Variants in RNF123 observed in about 807,000 individuals in gnomAD.
RNF123 encodes E3 ubiquitin-protein ligase RNF123.
RNF123 carries 86 observed loss-of-function variants against 168.5 expected under a neutral mutation model. That is an observed-to-expected ratio of 0.51 (90% CI 0.43 to 0.61). The LOEUF is 0.61. Ranked by LOEUF, RNF123 falls within the 20% of genes least tolerant of loss-of-function variation. RNF123 has a pLI of 0.00. For synonymous variants in RNF123, 666 were observed against 689.1 expected (o/e 0.97, Z 0.52); for missense variants, 1,419 against 1,729.7 (o/e 0.82, Z 3.19).
Position 49,700,287 on chromosome 3 carries a change from G to T in RNF123, c.1045G>T (p.Gly349Cys), listed in dbSNP as rs536656209. The T allele has an allele frequency of 9.9e-6, 16 of 1,614,234 alleles. No individual in the cohort carries two copies. The Admixed American group carries it at 1.0e-4, about 10-fold the overall frequency. ...MSFLLGIVEKGTPTQAQSVVH... is the reference protein window; with the variant it reads ...MSFLLGIVEKCTPTQAQSVVH... Reference sequence around the variant, plus strand: ...CTTCTTGCTGGGCATCGTGGAGAAGGGCACACCCACACAGGCACAGTCCGT... The same window carrying T: ...CTTCTTGCTGGGCATCGTGGAGAAGTGCACACCCACACAGGCACAGTCCGT... The change falls in exon 13 of 39, where the codon GGC becomes TGC. Residue 349 changes from glycine (G) to cysteine (C), a missense_variant. Physicochemically the swap from Gly to Cys is radical, Grantham distance 159. Around this residue, in one of 5 missense-constraint regions of RNF123, gnomAD observed 349 missense variants for 344.9 expected, o/e 1.01. Transcript: ENST00000327697.
At chr3:49,700,833 C>G in intron 15 of RNF123, 124 bp downstream of exon 15, 2 of 1,008,160 alleles carry the variant, frequency 2.0e-6, no homozygotes, top group Non-Finnish European at 3.1e-6. Flanking sequence ...CAGAGCTGCC[C>G]AACGTGGCAT....
At chr3:49,693,683 A>G (rs1575518423) in intron 3 of RNF123, among the ~76,000 whole-genome samples, 2 of 152,182 alleles carry the variant, frequency 1.3e-5, no homozygotes, top group South Asian at 4.1e-4. Context: ...AGGAACCTCC[A>G]AACTGTTCTC....
At chr3:49,720,406 G>A (rs1186687810) in intron 35 of RNF123, 105 bp from the exon 36 acceptor site, 16 of 1,164,518 alleles carry the variant, frequency 1.4e-5, no homozygotes, top group Non-Finnish European at 1.2e-6. Context: ...GGATGCAGGG[G>A]GGGTGATCAT....
At chr3:49,713,712 TG>T in intron 28 of RNF123, 25 bp from the exon 29 acceptor site, 1 of 1,584,206 alleles carries the variant, frequency 6.3e-7, no homozygotes, top group Admixed American at 1.8e-5. Context: ...GCCAAGCCCC[TG>T]CTGAGGCACG....
At position 49,717,952 on chromosome 3, in the gene RNF123, T is replaced by C. The variant is rs776776059; in HGVS notation, c.3500+1475T>C. 3.7e-6 allele frequency: 6 copies of C among 1,611,268 alleles called. No homozygotes were observed. The African/African-American group carries it at 5.3e-5, about 14-fold the overall frequency. ...CTGGGTGGGGGAGCCCTGGGCAGTC[T>C]AGGTTGTCATGGGACCCTCGGAGCC... On this transcript the variant is annotated intron_variant, in intron 35 of 38. Transcript: ENST00000327697.
chr3:49,698,868 C>T (rs779516632), intron 9 of RNF123, 46 bp downstream of exon 9: 13 of 1,606,584 alleles, frequency 8.1e-6, no homozygotes, highest in Middle Eastern at 1.7e-4. Flanking sequence ...TGGGGCCTCC[C>T]CAGACTGCCC....
At chr3:49,720,309 C>T (rs2080369582) in intron 35 of RNF123, 2 of 424,854 alleles carry the variant, frequency 4.7e-6, no homozygotes, top group Admixed American at 4.1e-5. Flanking sequence ...GAGCGAGACT[C>T]GTCTCAAGAA....
Position 49,700,502 on chromosome 3 carries a change from T to C in RNF123, c.1141T>C (p.Leu381=). ...CGAGGTACAAGATTGCCTCAAGCAG[T>C]TGATGATGTCTCTGCTTCGGCTGTA... The part of the protein sequence containing the change: ...DYEVQDCLKQ[L]MMSLLRLYRF... Residue 381 remains leucine (L), a synonymous_variant, in exon 14 of 39, where the codon TTG becomes CTG. Transcript: ENST00000327697. The C allele has an allele frequency of 1.9e-6, 3 of 1,614,134 alleles. No homozygotes were observed. Among genetic ancestry groups the C allele is most frequent in the Non-Finnish European group, 2.5e-6 (3 of 1,180,006 alleles).
intron 21 of RNF123, 95 bp downstream of exon 21, chr3:49,703,623 C>T (rs892386497): frequency 1.0e-6 from 1 of 974,894 alleles, no homozygotes; most frequent in Non-Finnish European, 1.5e-6. Context: ...CATCCTATGG[C>T]CACCAGAGGG....
Position 49,691,486 on chromosome 3 carries a change from T to A in RNF123, c.144T>A (p.His48Gln), listed in dbSNP as rs764220003. 1.2e-6 allele frequency: 2 copies of A among 1,614,184 alleles called. No homozygotes were observed. Among genetic ancestry groups the A allele is most frequent in the Non-Finnish European group, 1.7e-6 (2 of 1,180,022 alleles). ...ACCGCATCTTTTCCTCTTCTGAACATGCACCCCCAGCAGCCACCAGCAGGT... is the reference window on the plus strand; with the variant it reads ...ACCGCATCTTTTCCTCTTCTGAACAAGCACCCCCAGCAGCCACCAGCAGGT... ...YLNRIFSSSE[H>Q]APPAATSRKP... The change falls in exon 3 of 39, where the codon CAT (histidine) becomes CAA (glutamine). Residue 48 changes from histidine to glutamine, a missense_variant. Physicochemically the swap from His to Gln is conservative, Grantham distance 24. This residue lies in a region of RNF123 where 318 missense variants were observed against 446.6 expected (regional missense o/e 0.71). Transcript: ENST00000327697.
At chr3:49,718,441 A>T (rs376736320) in intron 35 of RNF123, 1 of 1,612,814 alleles carries the variant, frequency 6.2e-7, no homozygotes, top group Non-Finnish European at 8.5e-7. Flanking sequence ...CTGCTCCTGT[A>T]CGTTGCCTAT....
In RNF123 at chr3:49,705,985, G is replaced by A. The variant is rs544869015; in HGVS notation, c.2308G>A (p.Val770Met). The A allele has an allele frequency of 8.1e-6, 13 of 1,609,672 alleles. No individual in the cohort carries two copies. Among genetic ancestry groups the A allele is most frequent in the Non-Finnish European group, 1.1e-5 (13 of 1,178,258 alleles). ...CATGTGGTCCCATGCTGTGTAGATG[G>A]TGGGTGTCTCCGATGATGTCAATGA... is the stretch of plus-strand genomic sequence containing the variant. ...LSVHQQLGKM[V>M]GVSDDVNEYA... Residue 770 changes from valine to methionine, a missense_variant, in exon 25 of 39, where the codon GTG becomes ATG. Physicochemically the swap from Val to Met is conservative, Grantham distance 21 (BLOSUM62 1). Transcript: ENST00000327697.
chr3:49,710,744 C>A (rs1213086000), intron 26 of RNF123, among the ~76,000 whole-genome samples: 1 of 152,146 alleles, frequency 6.6e-6, no homozygotes, highest in African/African-American at 2.4e-5. Context: ...CTTAGTTGCT[C>A]TGGCTGGGAT....
rs1400149277 is a variant in RNF123, at chr3:49,705,673, G to A, written c.2298G>A (p.Leu766=). The A allele has an allele frequency of 6.2e-7, 1 of 1,614,076 alleles. No homozygotes were observed. Among genetic ancestry groups the A allele is most frequent in the African/African-American group, 1.3e-5 (1 of 74,942 alleles). The change falls in exon 24 of 39, where the codon CTG becomes CTA. Residue 766 remains leucine (L), a synonymous_variant. Transcript: ENST00000327697. ...MMYNLSVHQQ[L]GKMVGVSDDV... ...ACAACCTCAGCGTACACCAGCAGCT[G>A]GGCAAGGTCGTGCACTCTTGGACCC...
chr3:49,699,355 G>A lies in RNF123; in HGVS notation c.765-113G>A. The A allele has an allele frequency of 9.7e-7, 1 of 1,033,850 alleles. No individual in the cohort carries two copies. Among genetic ancestry groups the A allele is most frequent in the Non-Finnish European group, 1.4e-6 (1 of 700,946 alleles). 64.0% of individuals were successfully genotyped at this position (1,033,850 alleles called of 1,614,324 possible). ...TAGGGAGAATAAGTGGGCAAGTTGTGATGCAAACCAGCCCTGCCCTAGAGC... is the reference window on the plus strand; with the variant it reads ...TAGGGAGAATAAGTGGGCAAGTTGTAATGCAAACCAGCCCTGCCCTAGAGC... On this transcript the variant is annotated intron_variant, in intron 10 of 38. Coordinates refer to ENST00000327697, the MANE Select transcript of RNF123 (RefSeq NM_022064.5). The surrounding 1 kb of genome is among the most constrained non-coding windows in gnomAD (Gnocchi z 4.8).
chr3:49,699,055 C>T lies in RNF123; in HGVS notation c.714C>T (p.Ser238=), dbSNP rs1340502164. The change falls in exon 10 of 39, where the codon AGC becomes AGT. Residue 238 remains serine, a synonymous_variant. Transcript: ENST00000327697. The surrounding 1 kb of genome is among the most constrained non-coding windows in gnomAD (Gnocchi z 4.8). ...GLGMAYFPAI[S]LSFKESVAFN... is the part of the protein sequence containing the mutation. ...GTATGGCCTACTTCCCAGCCATCAG[C>T]CTCTCTTTCAAGGAGTCCGTGGCCT... The T allele has an allele frequency of 6.2e-6, 10 of 1,613,962 alleles. No homozygotes were observed. The highest frequency in any genetic ancestry group is 8.5e-6 in the Non-Finnish European group (10 of 1,180,038).
chr3:49,700,493 C>G lies in RNF123; in HGVS notation c.1132C>G (p.Leu378Val). 5.6e-6 allele frequency: 9 copies of G among 1,614,160 alleles called. No individual in the cohort carries two copies. Among genetic ancestry groups the G allele is most frequent in the Non-Finnish European group, 7.6e-6 (9 of 1,180,020 alleles). The change falls in exon 14 of 39, where the codon CTC becomes GTC. Residue 378 changes from leucine to valine, a missense_variant. Physicochemically the swap from Leu to Val is conservative, Grantham distance 32 (BLOSUM62 1). Around this residue, in one of 5 missense-constraint regions of RNF123, gnomAD observed 349 missense variants for 344.9 expected, o/e 1.01. Coordinates refer to ENST00000327697, the MANE Select transcript of RNF123 (RefSeq NM_022064.5). ...FMEDYEVQDCLKQLMMSLLRL... is the reference protein window; with the variant it reads ...FMEDYEVQDCVKQLMMSLLRL... ...CCAGGACTACGAGGTACAAGATTGCCTCAAGCAGTTGATGATGTCTCTGCT... is the reference window on the plus strand; with the variant it reads ...CCAGGACTACGAGGTACAAGATTGCGTCAAGCAGTTGATGATGTCTCTGCT...
At chr3:49,717,594 A>C in intron 35 of RNF123, 1 of 332,122 alleles carries the variant, frequency 3.0e-6, no homozygotes. Context: ...CACAGGCTGT[A>C]GAAGAACACA....
chr3:49,715,942 C>T lies in RNF123; in HGVS notation c.3271C>T (p.Leu1091=). The change falls in exon 33 of 39, where the codon CTG becomes TTG. Residue 1091 remains leucine (L), a synonymous_variant. Transcript: ENST00000327697. ...LLRVLEMTIT[L]VPEIFLDWTR... ...GCGTGTCTTGGAGATGACTATCACACTGGTGCCTGAGATATTCCTTGACTG... is the reference window on the plus strand; with the variant it reads ...GCGTGTCTTGGAGATGACTATCACATTGGTGCCTGAGATATTCCTTGACTG... 1 of 1,614,084 alleles carries T rather than the reference C, an allele frequency of 6.2e-7. No individual in the cohort carries two copies. Among genetic ancestry groups the T allele is most frequent in the Non-Finnish European group, 8.5e-7 (1 of 1,180,046 alleles).
Sources: allele counts gnomAD v4.1 joint callset (sites outside exome capture counted in the v4.1 genomes callset), GRCh38; gene constraint gnomAD v4.1.1; regional missense constraint gnomAD v4.1.1; non-coding constraint Gnocchi (gnomAD v3.1); transcripts MANE v1.5; gene names NCBI Gene and HGNC (gene_info 2026-07-23, HGNC 2026-07-21).